MYO18B: variants seen among roughly 807,000 people sequenced by gnomAD.
MYO18B encodes the protein unconventional myosin-XVIIIb.
MYO18B carries 204 observed loss-of-function variants against 273.0 expected under a neutral mutation model. The observed-to-expected ratio is 0.75, with a 90% confidence interval of 0.67 to 0.84. The LOEUF is 0.84. MYO18B is among the 40% of genes least tolerant of loss of function. MYO18B has a pLI of 0.00. For missense variants in MYO18B, 3,212 were observed against 3,287.6 expected (o/e 0.98, Z 0.56); for synonymous variants, 1,330 against 1,305.7 (o/e 1.02, Z -0.40).
intron 25 of MYO18B, among the ~76,000 whole-genome samples, chr22:25,884,182 G>A (rs1028036458): frequency 6.6e-6 from 1 of 152,152 alleles, no homozygotes; most frequent in African/African-American, 2.4e-5. Flanking sequence ...ATGTATGTAG[G>A]TCAGAAAGTC....
rs375437745 is a variant in MYO18B at position 25,955,213 on chromosome 22, A to G, written c.6005A>G (p.Lys2002Arg). The change falls in exon 39 of 44, where the codon AAG (lysine) becomes AGG (arginine). Residue 2002 changes from lysine to arginine, a missense_variant. By Grantham distance (26) the Lys-to-Arg change is conservative. Coordinates refer to ENST00000335473, the MANE Select transcript of MYO18B (RefSeq NM_032608.7). ...ATCCGGCTTCGGGACAGCCTGATCA[A>G]GATGGGGGAGGAGCTTTCACAGGCG... The part of the protein sequence containing the change: ...LVIRLRDSLI[K>R]MGEELSQAAT... The G allele has an allele frequency of 1.4e-4, 230 of 1,612,992 alleles. No individual in the cohort carries two copies. In the African/African-American group the frequency reaches 2.9e-3, roughly 20 times the overall value.
At chr22:26,062,026 T>C in the MYO18B span, among the ~76,000 whole-genome samples, 7 of 152,334 alleles carry the variant, frequency 4.6e-5, no homozygotes, top group East Asian at 9.6e-4. Flanking sequence ...CAAAACTAAT[T>C]TGAGCATGGA....
At position 25,842,331 on chromosome 22, in the gene MYO18B, G is replaced by C. The variant is rs73879566; in HGVS notation, c.3209-1404G>C. 2.3e-3 allele frequency among the ~76,000 whole-genome samples: 347 copies of C among 152,240 alleles called. 2 individuals carry two copies. Among genetic ancestry groups the C allele is most frequent in the Non-Finnish European group, 3.7e-3 (255 of 68,022 alleles). On this transcript the variant is annotated intron_variant, in intron 17 of 43. Transcript: ENST00000335473. ...CAGGATGGGAAAGCAAAGTAAGATC[G>C]TTCCGAATAGATCCAAGAGTCATGA...
chr22:26,006,507 A>G, intron 42 of MYO18B: 1 of 294,066 alleles, frequency 3.4e-6, no homozygotes, highest in Non-Finnish European at 6.9e-6. Context: ...TGGATTAGAA[A>G]GCATAATCTA....
chr22:25,952,109 C>A (rs2092799020), intron 37 of MYO18B, among the ~76,000 whole-genome samples, 177 bp from the exon 38 acceptor site: 1 of 152,168 alleles, frequency 6.6e-6, no homozygotes, highest in African/African-American at 2.4e-5. Flanking sequence ...CAGTGAAGGT[C>A]CCAAGATTGA....
At chr22:25,951,089 C>T (rs960124659) in intron 37 of MYO18B, among the ~76,000 whole-genome samples, 4 of 152,216 alleles carry the variant, frequency 2.6e-5, no homozygotes, top group Non-Finnish European at 5.9e-5. Flanking sequence ...TTTATATTCT[C>T]TGGAAGCTGA....
rs548656313 is a variant in MYO18B, at chr22:25,836,718, T to A, written c.3208+1275T>A. 2.6e-5 allele frequency among the ~76,000 whole-genome samples: 4 copies of A among 152,206 alleles called. No individual in the cohort carries two copies. In the South Asian group the frequency reaches 8.3e-4, roughly 32 times the overall value. ...GCTCACGCCTGTAATCACAGCACTTTGGGAGGCCGAGGTGGGTGGATCACT... is the reference window on the plus strand; with the variant it reads ...GCTCACGCCTGTAATCACAGCACTTAGGGAGGCCGAGGTGGGTGGATCACT... On this transcript the variant is annotated intron_variant, in intron 17 of 43. Transcript: ENST00000335473.
chr22:25,742,414 CT>C (rs2085653881), intron 1 of MYO18B, 121 bp downstream of exon 1: 2 of 152,100 alleles, frequency 1.3e-5, no homozygotes, highest in Admixed American at 6.6e-5. Context: ...TATTTTAGGC[CT>C]TTCTGGTGTT....
chr22:25,993,642 T>C (rs184105715), intron 40 of MYO18B, among the ~76,000 whole-genome samples: 21 of 152,320 alleles, frequency 1.4e-4, no homozygotes, highest in African/African-American at 4.8e-4. Context: ...AGAACTCAGG[T>C]CTGCTGAAGT....
At chr22:25,977,506 G>A (rs1055795396) in intron 39 of MYO18B, among the ~76,000 whole-genome samples, 1 of 152,182 alleles carries the variant, frequency 6.6e-6, no homozygotes, top group East Asian at 1.9e-4. Context: ...TGACCTGACA[G>A]TGAGGAAGTG....
rs746908127 is a variant in MYO18B, at chr22:25,846,259, G to T, written c.3528G>T (p.Pro1176=). 6.2e-7 allele frequency: 1 copy of T among 1,611,892 alleles called. No individual in the cohort carries two copies. The highest frequency in any genetic ancestry group is 2.2e-5 in the East Asian group (1 of 44,882). Residue 1176 remains proline (P), a synonymous_variant, in exon 19 of 44, where the codon CCG becomes CCT. Transcript: ENST00000335473. ...SSLAAVRRKA[P]CSQIKLQMDA... ...TTGCCGCGGTGAGGAGGAAAGCCCC[G>T]TGCTCCCAGATCAAGCTGCAGATGG... is the stretch of plus-strand genomic sequence containing the variant.
chr22:25,889,786 GA>G (rs889066244), intron 25 of MYO18B, among the ~76,000 whole-genome samples: 6 of 149,592 alleles, frequency 4.0e-5, no homozygotes, highest in Middle Eastern at 3.4e-3. Context: ...CAGTTAATCA[GA>G]AAAAAAAACC....
intron 14 of MYO18B, among the ~76,000 whole-genome samples, chr22:25,827,134 T>C (rs1326053532): frequency 6.6e-6 from 1 of 152,204 alleles, no homozygotes; most frequent in African/African-American, 2.4e-5. Context: ...TAAGTACTTT[T>C]GAGTGGCTAC....
intron 22 of MYO18B, among the ~76,000 whole-genome samples, chr22:25,869,771 C>T (rs1365948921): frequency 6.6e-6 from 1 of 152,182 alleles, no homozygotes; most frequent in Admixed American, 6.5e-5. Flanking sequence ...GTCATCTACA[C>T]TGGCTACCAC....
the MYO18B span, among the ~76,000 whole-genome samples, chr22:26,062,151 C>T: frequency 6.6e-6 from 1 of 152,120 alleles, no homozygotes; most frequent in Non-Finnish European, 1.5e-5. Context: ...TCTCTTACCC[C>T]CTTCTTCTGG....
chr22:25,988,762 T>TCTGCC (rs1254205958), intron 39 of MYO18B, among the ~76,000 whole-genome samples: 2 of 152,170 alleles, frequency 1.3e-5, no homozygotes, highest in Non-Finnish European at 2.9e-5. Context: ...AAGTTTCCAC[T>TCTGCC]CTGCCAAGCT....
downstream of MYO18B, among the ~76,000 whole-genome samples, chr22:26,035,885 C>CAATTCCCTG (rs1936768336): frequency 6.6e-6 from 1 of 152,166 alleles, no homozygotes; most frequent in African/African-American, 2.4e-5. Context: ...CCAGGAGGCT[C>CAATTCCCTG]AAAGGTCAAT....
intron 39 of MYO18B, among the ~76,000 whole-genome samples, chr22:25,976,818 C>G (rs1160533093): frequency 2.0e-5 from 3 of 152,084 alleles, no homozygotes; most frequent in African/African-American, 7.2e-5. Flanking sequence ...GATTGTTTCC[C>G]CCTTCTTACT....
intron 21 of MYO18B, among the ~76,000 whole-genome samples, chr22:25,860,493 A>G (rs1464945237): frequency 6.6e-6 from 1 of 152,086 alleles, no homozygotes; most frequent in African/African-American, 2.4e-5. Flanking sequence ...TAAAGCATAC[A>G]TTTTCCTCAA....
Sources: allele counts gnomAD v4.1 joint callset (sites outside exome capture counted in the v4.1 genomes callset), GRCh38; gene constraint gnomAD v4.1.1; transcripts MANE v1.5; gene names NCBI Gene and HGNC (gene_info 2026-07-23, HGNC 2026-07-21).